LARGE1: variants seen among roughly 807,000 people sequenced by gnomAD.
LARGE1 encodes LARGE xylosyl- and glucuronyltransferase 1, also known as xylosyl- and glucuronyltransferase LARGE1.
LARGE1 carries 43 observed loss-of-function variants against 87.6 expected under a neutral mutation model. That is an observed-to-expected ratio of 0.49 (90% confidence interval 0.38 to 0.63). LARGE1 has a LOEUF of 0.63. Ranked by LOEUF, LARGE1 falls within the 30% of genes least tolerant of loss-of-function variation. The pLI is 0.00. For missense variants in LARGE1, 802 were observed against 1,000.2 expected, an observed-to-expected ratio of 0.80 and a Z score of 2.67; for synonymous variants, 434 against 394.6, an observed-to-expected ratio of 1.10 and a Z score of -1.18.
intron 1 of LARGE1, among the ~76,000 whole-genome samples, chr22:33,852,691 AC>A (rs1451428326): frequency 6.6e-6 from 1 of 151,716 alleles, no homozygotes; most frequent in Non-Finnish European, 1.5e-5. Flanking sequence ...TACTAAAAAA[AC>A]ATATATACAA....
intron 12 of LARGE1, among the ~76,000 whole-genome samples, chr22:33,285,869 G>A (rs887109137): frequency 6.6e-6 from 1 of 152,164 alleles, no homozygotes; most frequent in Non-Finnish European, 1.5e-5. Flanking sequence ...GGGGGAACCT[G>A]GATCAGGTCA....
the LARGE1 span, among the ~76,000 whole-genome samples, chr22:33,076,742 T>G: frequency 6.6e-6 from 1 of 152,204 alleles, no homozygotes; most frequent in Non-Finnish European, 1.5e-5. Flanking sequence ...TAAACACAGA[T>G]AAGCTTAAGA....
At chr22:33,580,986 A>T (rs1569288209) in intron 5 of LARGE1, among the ~76,000 whole-genome samples, 1 of 152,212 alleles carries the variant, frequency 6.6e-6, no homozygotes, top group South Asian at 2.1e-4. Flanking sequence ...CAAAAATGAT[A>T]ATAGGAATGA....
At chr22:33,435,490 T>C (rs1419917346) in intron 6 of LARGE1, among the ~76,000 whole-genome samples, 1 of 152,172 alleles carries the variant, frequency 6.6e-6, no homozygotes, top group Non-Finnish European at 1.5e-5. Flanking sequence ...TGACATCTAG[T>C]GGGTTAACCT....
chr22:33,729,973 C>T (rs550358713), intron 2 of LARGE1, among the ~76,000 whole-genome samples: 7 of 151,872 alleles, frequency 4.6e-5, no homozygotes, highest in South Asian at 2.1e-4. Flanking sequence ...TGTGTGTGTG[C>T]GTGTGTGCAT....
intron 11 of LARGE1, among the ~76,000 whole-genome samples, chr22:33,232,890 C>T (rs1271219344): frequency 1.3e-5 from 2 of 152,156 alleles, no homozygotes; most frequent in African/African-American, 2.4e-5. Context: ...GAGAAAATGA[C>T]TGCACACCAA....
chr22:33,482,778 A>G (rs886471556), intron 6 of LARGE1, among the ~76,000 whole-genome samples: 1 of 152,224 alleles, frequency 6.6e-6, no homozygotes, highest in African/African-American at 2.4e-5. Flanking sequence ...TGAAATTATT[A>G]TTGACTGTAG....
At chr22:33,133,368 C>T in the LARGE1 span, among the ~76,000 whole-genome samples, 1 of 152,128 alleles carries the variant, frequency 6.6e-6, no homozygotes, top group Non-Finnish European at 1.5e-5. Context: ...TGTGATGTTC[C>T]CCTCCCTGTG....
At chr22:33,440,933 C>T (rs2067443578) in intron 6 of LARGE1, among the ~76,000 whole-genome samples, 1 of 152,226 alleles carries the variant, frequency 6.6e-6, no homozygotes, top group South Asian at 2.1e-4. Context: ...ATGAAGACTG[C>T]CAAGGGCGAG....
intron 2 of LARGE1, among the ~76,000 whole-genome samples, chr22:33,700,234 T>C (rs556921498): frequency 3.9e-5 from 6 of 152,194 alleles, no homozygotes; most frequent in African/African-American, 1.4e-4. Flanking sequence ...CTCAGACACT[T>C]GGGGAGAAGA....
chr22:33,852,245 G>A (rs2063607155), intron 1 of LARGE1, among the ~76,000 whole-genome samples: 2 of 152,100 alleles, frequency 1.3e-5, no homozygotes, highest in African/African-American at 4.8e-5. Context: ...ACGTTGAAAG[G>A]TCAGCCCTGG....
chr22:33,138,801 G>A, the LARGE1 span, among the ~76,000 whole-genome samples: 1 of 152,220 alleles, frequency 6.6e-6, no homozygotes, highest in African/African-American at 2.4e-5. Flanking sequence ...GGGATGGTTT[G>A]GAAGGCATGA....
the LARGE1 span, among the ~76,000 whole-genome samples, chr22:33,094,067 G>C: frequency 6.6e-6 from 1 of 151,872 alleles, no homozygotes; most frequent in Non-Finnish European, 1.5e-5. Flanking sequence ...AAGGCAATTT[G>C]TAAAGCCTTC....
the LARGE1 span, among the ~76,000 whole-genome samples, chr22:33,096,734 T>A: frequency 1.4e-4 from 22 of 152,140 alleles, no homozygotes; most frequent in East Asian, 2.9e-3. Context: ...CCGGCTAATT[T>A]TTTTGTATTT....
chr22:33,764,708 G>C (rs1017048980), intron 1 of LARGE1, among the ~76,000 whole-genome samples: 3 of 152,180 alleles, frequency 2.0e-5, no homozygotes, highest in African/African-American at 4.8e-5. Flanking sequence ...CAGTGAGCAA[G>C]ATTGTGCCAC....
In LARGE1 at chr22:33,273,925, C is replaced by A. The variant is rs1417508435; in HGVS notation, c.*502G>T. 1.4e-5 allele frequency: 5 copies of A among 358,776 alleles called. No homozygotes were observed. Among genetic ancestry groups the A allele is most frequent in the Non-Finnish European group, 2.5e-5 (5 of 200,736 alleles). The allele number at this position is 358,776 out of a possible 1,614,324, so 22.2% of individuals were successfully genotyped here. The stretch of plus-strand genomic sequence containing the variant: ...GTTTTTCCAAGTGGTTGGTTTAGAT[C>A]ATCGGTTTGCCCTCCGTTTGAATGC... On this transcript the variant is annotated 3_prime_UTR_variant, in exon 15 of 15. Transcript: ENST00000397394.
At chr22:33,354,964 A>G (rs1019101288) in intron 9 of LARGE1, among the ~76,000 whole-genome samples, 1 of 152,226 alleles carries the variant, frequency 6.6e-6, no homozygotes, top group African/African-American at 2.4e-5. Flanking sequence ...AGGGTTTATT[A>G]TTACTAAATT....
intron 6 of LARGE1, among the ~76,000 whole-genome samples, chr22:33,454,608 ACT>A (rs1197885039): frequency 2.1e-5 from 3 of 140,738 alleles, no homozygotes; most frequent in Non-Finnish European, 4.6e-5. Flanking sequence ...ACAGAGCAAG[ACT>A]CTGTCTAAAA....
chr22:33,545,419 AACACACACACACACAC>A (rs55754949), intron 6 of LARGE1, among the ~76,000 whole-genome samples: 4 of 143,926 alleles, frequency 2.8e-5, no homozygotes, highest in Non-Finnish European at 6.0e-5. Flanking sequence ...ACACCCAGCT[AACACACACACACACAC>A]ACACACACAC....
Sources: allele counts gnomAD v4.1 joint callset (sites outside exome capture counted in the v4.1 genomes callset), GRCh38; gene constraint gnomAD v4.1.1; transcripts MANE v1.5; gene names NCBI Gene and HGNC (gene_info 2026-07-23, HGNC 2026-07-21).